The following SUGCT variants were observed in gnomAD, a reference collection of about 807,000 sequenced individuals.
The protein encoded by SUGCT is succinyl-CoA:glutarate-CoA transferase, also known as succinyl-CoA:glutarate CoA-transferase.
SUGCT carries 41 observed loss-of-function variants against 55.0 expected under a neutral mutation model. The ratio of observed to expected loss-of-function variants is 0.74; its 90% confidence interval spans 0.58 to 0.97. The LOEUF is 0.97. Ranked by LOEUF, SUGCT falls within the 50% of genes least tolerant of loss-of-function variation. The pLI is 0.00. For missense variants in SUGCT, 568 were observed against 547.8 expected (o/e 1.04, Z -0.37); for synonymous variants, 187 against 200.4 (o/e 0.93, Z 0.56).
rs189668171 is a variant in SUGCT at position 40,854,395 on chromosome 7, T to C, written c.1154-5921T>C. On this transcript the variant is annotated intron_variant, in intron 13 of 13. Transcript: ENST00000335693. ...AGGTCCTTATTGTGTATCAAAATTT[T>C]TTTCTTTCTTTCTTTCTTTCTTTCC... Among the ~76,000 whole-genome samples the C allele has an allele frequency of 5.3e-4, 66 of 124,372 alleles. 1 individual carries two copies. Among genetic ancestry groups the C allele is most frequent in the Admixed American group, 1.3e-3 (15 of 11,982 alleles). 81.6% of individuals were successfully genotyped at this position (124,372 alleles called of 152,430 possible).
the SUGCT span, among the ~76,000 whole-genome samples, chr7:41,008,703 G>A: frequency 6.6e-6 from 1 of 151,856 alleles, no homozygotes; most frequent in East Asian, 1.9e-4. Flanking sequence ...TCCCTGTATT[G>A]CAAGTCCCCC....
chr7:40,627,193 G>A (rs1327207912), intron 12 of SUGCT, among the ~76,000 whole-genome samples: 1 of 152,174 alleles, frequency 6.6e-6, no homozygotes. Flanking sequence ...TAGACAAAAT[G>A]CACAAACAAA....
the SUGCT span, among the ~76,000 whole-genome samples, chr7:41,028,911 G>T: frequency 6.6e-6 from 1 of 152,192 alleles, no homozygotes; most frequent in South Asian, 2.1e-4. Context: ...TTGTTGAAGT[G>T]TTAAGTGTTC....
At chr7:40,884,159 A>G in the SUGCT span, among the ~76,000 whole-genome samples, 55 of 152,174 alleles carry the variant, frequency 3.6e-4, no homozygotes, top group Non-Finnish European at 7.3e-4. Context: ...CAATATATTT[A>G]TGCTTGAAGA....
intron 1 of SUGCT, among the ~76,000 whole-genome samples, chr7:40,160,061 G>C (rs939452354): frequency 3.3e-5 from 5 of 152,058 alleles, no homozygotes; most frequent in African/African-American, 1.2e-4. Flanking sequence ...ATCTCTACCT[G>C]TGTCTTTTCC....
At chr7:40,624,650 A>G (rs777812817) in intron 12 of SUGCT, among the ~76,000 whole-genome samples, 1 of 152,106 alleles carries the variant, frequency 6.6e-6, no homozygotes, top group South Asian at 2.1e-4. Context: ...TTAAACTGCG[A>G]TGGTTAGACT....
At chr7:40,518,002 C>T (rs1030191174) in intron 12 of SUGCT, among the ~76,000 whole-genome samples, 2 of 152,080 alleles carry the variant, frequency 1.3e-5, no homozygotes, top group African/African-American at 4.8e-5. Flanking sequence ...TGGAGGTAGG[C>T]GGTGATTACA....
intron 12 of SUGCT, among the ~76,000 whole-genome samples, chr7:40,549,014 G>T (rs1319923079): frequency 2.0e-5 from 3 of 152,080 alleles, no homozygotes; most frequent in Non-Finnish European, 4.4e-5. Flanking sequence ...TTTCCTTGGG[G>T]CCTCTATATT....
At chr7:40,499,261 C>T (rs779736910) in intron 12 of SUGCT, 19 of 308,540 alleles carry the variant, frequency 6.2e-5, no homozygotes, top group Non-Finnish European at 1.2e-4. Flanking sequence ...ACAACAACAA[C>T]AAAAGCCAGG....
At chr7:40,514,554 C>CA (rs1467284362) in intron 12 of SUGCT, among the ~76,000 whole-genome samples, 3 of 151,574 alleles carry the variant, frequency 2.0e-5, no homozygotes, top group Non-Finnish European at 4.4e-5. Flanking sequence ...ATTAAAAAGA[C>CA]AAAAAATTAG....
At chr7:40,987,482 C>T in the SUGCT span, among the ~76,000 whole-genome samples, 14 of 152,278 alleles carry the variant, frequency 9.2e-5, no homozygotes, top group East Asian at 9.7e-4. Context: ...CATATACTCC[C>T]ACCCTTTCTT....
chr7:40,813,679 A>T (rs1245495147), intron 13 of SUGCT, among the ~76,000 whole-genome samples: 1 of 151,908 alleles, frequency 6.6e-6, no homozygotes, highest in Non-Finnish European at 1.5e-5. Context: ...CCAACTTGCC[A>T]CTCTTTGCCT....
chr7:40,273,101 ATTTAAT>A (rs1792207293), intron 7 of SUGCT, among the ~76,000 whole-genome samples: 1 of 152,160 alleles, frequency 6.6e-6, no homozygotes, highest in African/African-American at 2.4e-5. Flanking sequence ...CTAATGACAA[ATTTAAT>A]TTTAAGTGTA....
In SUGCT at chr7:40,857,120, G is replaced by A. The variant is rs1741458891; in HGVS notation, c.1154-3196G>A. Among the ~76,000 whole-genome samples, 4 of 152,214 alleles carry A rather than the reference G, an allele frequency of 2.6e-5. No individual in the cohort carries two copies. In the South Asian group the frequency reaches 8.3e-4, roughly 32 times the overall value. On this transcript the variant is annotated intron_variant, in intron 13 of 13. Coordinates refer to ENST00000335693, the MANE Select transcript of SUGCT (RefSeq NM_001193313.2). ...AAAACAGATGGGAACATAGATGTTAGTTTGCCAAAAAATTTAAGAACATGT... is the reference window on the plus strand; with the variant it reads ...AAAACAGATGGGAACATAGATGTTAATTTGCCAAAAAATTTAAGAACATGT...
chr7:40,787,660 CA>C (rs55764379), intron 13 of SUGCT, among the ~76,000 whole-genome samples: 4,904 of 48,170 alleles, frequency 0.1, 38 homozygotes, highest in South Asian at 0.16. Flanking sequence ...AAATTTTGAC[CA>C]AAAAAAAAAA....
At chr7:40,749,029 A>C (rs1231274826) in intron 12 of SUGCT, among the ~76,000 whole-genome samples, 1 of 152,100 alleles carries the variant, frequency 6.6e-6, no homozygotes, top group African/African-American at 2.4e-5. Flanking sequence ...GTACCACCCC[A>C]GTGTGCTGCT....
chr7:40,175,579 T>C (rs1784887138), intron 1 of SUGCT, among the ~76,000 whole-genome samples: 1 of 152,128 alleles, frequency 6.6e-6, no homozygotes, highest in African/African-American at 2.4e-5. Context: ...TTCATTAACA[T>C]TGAACTCATG....
Position 40,768,518 on chromosome 7 carries a change from A to G in SUGCT, c.1153+19021A>G, listed in dbSNP as rs112591779. Among the ~76,000 whole-genome samples, 299 of 135,230 alleles carry G rather than the reference A, an allele frequency of 2.2e-3. 1 individual carries two copies. Among genetic ancestry groups the G allele is most frequent in the African/African-American group, 8.0e-3 (290 of 36,364 alleles). 88.7% of individuals were successfully genotyped at this position (135,230 alleles called of 152,430 possible). A position where few individuals can be genotyped will look rare whatever the true frequency, so the allele number is the denominator to read the frequency against. ...AGTGTGTTTAATGCCAACAACCCCT[A>G]AATGTTTTAAACAGCACCGAGACCC... On this transcript the variant is annotated intron_variant, in intron 13 of 13. Coordinates refer to ENST00000335693, the MANE Select transcript of SUGCT (RefSeq NM_001193313.2).
At chr7:40,865,443 C>G (rs1231500236), downstream of SUGCT, among the ~76,000 whole-genome samples, 2 of 152,156 alleles carry the variant, frequency 1.3e-5, no homozygotes, top group Admixed American at 6.5e-5. Flanking sequence ...TGAAAGGGTA[C>G]TCCAAATGCT....
Sources: allele counts gnomAD v4.1 joint callset (sites outside exome capture counted in the v4.1 genomes callset), GRCh38; gene constraint gnomAD v4.1.1; transcripts MANE v1.5; gene names NCBI Gene and HGNC (gene_info 2026-07-23, HGNC 2026-07-21).